CNTNAP4: variants seen among roughly 807,000 people sequenced by gnomAD.
CNTNAP4 encodes contactin associated protein family member 4.
A neutral mutation model predicts 148.4 loss-of-function variants in CNTNAP4; 98 were observed. The ratio of observed to expected loss-of-function variants is 0.66; its 90% CI spans 0.56 to 0.78. The LOEUF is 0.78. CNTNAP4 is among the 30% of genes least tolerant of loss of function. The pLI, the probability that CNTNAP4 is intolerant of heterozygous loss-of-function variation, is 0.00. For missense variants in CNTNAP4, 1,935 were observed against 1,565.6 expected, an observed-to-expected ratio of 1.24 and a Z score of -3.98; for synonymous variants, 730 against 565.1, an observed-to-expected ratio of 1.29 and a Z score of -4.14.
chr16:76,343,003 C>T (rs943321695), intron 2 of CNTNAP4, among the ~76,000 whole-genome samples: 3 of 152,084 alleles, frequency 2.0e-5, no homozygotes, highest in Admixed American at 6.5e-5. Context: ...CTGCCACATT[C>T]TCTGTGGTAA....
At chr16:76,340,681 A>G (rs562110008) in intron 2 of CNTNAP4, among the ~76,000 whole-genome samples, 4 of 152,302 alleles carry the variant, frequency 2.6e-5, no homozygotes, top group South Asian at 2.1e-4. Context: ...CTAGCATGCA[A>G]ACATCAGGAA....
intron 7 of CNTNAP4, among the ~76,000 whole-genome samples, chr16:76,450,120 C>G (rs1018668491): frequency 6.6e-6 from 1 of 151,830 alleles, no homozygotes; most frequent in Non-Finnish European, 1.5e-5. Flanking sequence ...GATGTCATTA[C>G]TCACAGGAGC....
intron 1 of CNTNAP4, among the ~76,000 whole-genome samples, chr16:76,297,108 G>A (rs550348740): frequency 6.6e-6 from 1 of 152,112 alleles, no homozygotes; most frequent in East Asian, 1.9e-4. Flanking sequence ...TTTTCAAAAA[G>A]TGTTTTAGCA....
chr16:76,307,178 A>G (rs1252620760), intron 1 of CNTNAP4, among the ~76,000 whole-genome samples: 15 of 152,208 alleles, frequency 9.9e-5, no homozygotes, highest in Admixed American at 9.8e-4. Flanking sequence ...CCAACAATGT[A>G]TATAATATCG....
chr16:76,296,644 CAGAGAGAG>C, intron 1 of CNTNAP4, among the ~76,000 whole-genome samples: 1 of 149,160 alleles, frequency 6.7e-6, no homozygotes, highest in South Asian at 2.1e-4. Context: ...AAGAGAGAGG[CAGAGAGAG>C]AGAGAGAGAG....
chr16:76,322,670 C>T (rs1962547249), intron 2 of CNTNAP4, among the ~76,000 whole-genome samples: 1 of 152,132 alleles, frequency 6.6e-6, no homozygotes, highest in South Asian at 2.1e-4. Context: ...TACAAAAACA[C>T]AGTGCTGTAC....
chr16:76,303,005 C>G (rs1317745628), intron 1 of CNTNAP4, among the ~76,000 whole-genome samples: 1 of 152,186 alleles, frequency 6.6e-6, no homozygotes, highest in Non-Finnish European at 1.5e-5. Context: ...TTCTTCTGTA[C>G]TGAGCTAATG....
chr16:76,504,064 C>A (rs2082750806), intron 15 of CNTNAP4, among the ~76,000 whole-genome samples: 1 of 151,930 alleles, frequency 6.6e-6, no homozygotes, highest in African/African-American at 2.4e-5. Flanking sequence ...CCAGCAATCT[C>A]TTTTTTGGGA....
intron 2 of CNTNAP4, among the ~76,000 whole-genome samples, chr16:76,318,745 AATC>A (rs1053274491): frequency 1.2e-4 from 18 of 146,142 alleles, no homozygotes; most frequent in African/African-American, 2.5e-4. Flanking sequence ...TATTAATAAT[AATC>A]ATAATAATAT....
intron 3 of CNTNAP4, among the ~76,000 whole-genome samples, chr16:76,385,298 C>G (rs2016410090): frequency 6.6e-6 from 1 of 152,084 alleles, no homozygotes; most frequent in East Asian, 1.9e-4. Context: ...AATACTGAAC[C>G]ATTGCTATGC....
In CNTNAP4 at chr16:76,535,738, T is replaced by C; in HGVS notation, c.2949T>C (p.Phe983=). 1 of 1,613,958 alleles carries C rather than the reference T, an allele frequency of 6.2e-7. No individual in the cohort carries two copies. The highest frequency in any genetic ancestry group is 2.2e-5 in the East Asian group (1 of 44,874). Residue 983 remains phenylalanine (F), a synonymous_variant, in exon 18 of 24, where the codon TTT becomes TTC. Coordinates refer to ENST00000611870, the MANE Select transcript of CNTNAP4 (RefSeq NM_033401.5). ...GCAGAGAAAGACCCATTGGGTTCTT[T>C]TGTGACTGCACTTTCTCTGCATACA... ...GKCRERPIGF[F]CDCTFSAYTG... is the part of the protein sequence containing the mutation.
rs774797671 is a variant in CNTNAP4 at position 76,527,447 on chromosome 16, T to G, written c.2755+5190T>G. 2.6e-5 allele frequency among the ~76,000 whole-genome samples: 4 copies of G among 152,164 alleles called. No homozygotes were observed. In the East Asian group the frequency reaches 5.8e-4, roughly 22 times the overall value. Reference sequence around the variant, plus strand: ...TTACTTGCAAGTTCAAGAATTTAATTTGTGGTTCATCTGTCCATCTTAAAG... The same window carrying G: ...TTACTTGCAAGTTCAAGAATTTAATGTGTGGTTCATCTGTCCATCTTAAAG... On this transcript the variant is annotated intron_variant, in intron 17 of 23. Transcript: ENST00000611870.
chr16:76,525,157 A>G (rs2083663744), intron 17 of CNTNAP4, among the ~76,000 whole-genome samples: 1 of 152,116 alleles, frequency 6.6e-6, no homozygotes, highest in Non-Finnish European at 1.5e-5. Context: ...CAACATTACT[A>G]TCACACAAAT....
intron 3 of CNTNAP4, among the ~76,000 whole-genome samples, chr16:76,381,942 C>T (rs2016015303): frequency 2.0e-5 from 3 of 151,548 alleles, no homozygotes; most frequent in African/African-American, 4.8e-5. Context: ...GCCTGTAGTC[C>T]CAGCTACTCG....
chr16:76,423,582 G>C (rs895488636), intron 3 of CNTNAP4, among the ~76,000 whole-genome samples: 1 of 152,152 alleles, frequency 6.6e-6, no homozygotes, highest in African/African-American at 2.4e-5. Context: ...AGCAAATTGA[G>C]GAAAGTTTCC....
At chr16:76,336,024 G>T (rs935200371) in intron 2 of CNTNAP4, among the ~76,000 whole-genome samples, 1 of 152,058 alleles carries the variant, frequency 6.6e-6, no homozygotes, top group Admixed American at 6.5e-5. Context: ...CTAACTCCAG[G>T]GTTGATGGAA....
intron 8 of CNTNAP4, among the ~76,000 whole-genome samples, chr16:76,460,441 G>C (rs1159648002): frequency 6.6e-6 from 1 of 150,790 alleles, no homozygotes; most frequent in Non-Finnish European, 1.5e-5. Flanking sequence ...GAACATTTCT[G>C]TTCAGTCCCT....
At chr16:76,444,853 G>A (rs943749877) in intron 4 of CNTNAP4, among the ~76,000 whole-genome samples, 2 of 151,980 alleles carry the variant, frequency 1.3e-5, no homozygotes, top group Non-Finnish European at 2.9e-5. Context: ...GAATTATACT[G>A]AACTTTTTTT....
intron 3 of CNTNAP4, among the ~76,000 whole-genome samples, chr16:76,377,149 T>TC (rs1443904853): frequency 6.6e-6 from 1 of 152,088 alleles, no homozygotes; most frequent in Non-Finnish European, 1.5e-5. Flanking sequence ...GGGAAGTCAG[T>TC]CTTTTTTTTC....
Sources: allele counts gnomAD v4.1 joint callset (sites outside exome capture counted in the v4.1 genomes callset), GRCh38; gene constraint gnomAD v4.1.1; transcripts MANE v1.5; gene names NCBI Gene and HGNC (gene_info 2026-07-23, HGNC 2026-07-21).